Variants in IPP observed in about 807,000 individuals in gnomAD.
IPP encodes actin-binding protein IPP.
A neutral mutation model predicts 64.1 loss-of-function variants in IPP; 41 were observed. That is an observed-to-expected ratio of 0.64 (90% CI 0.50 to 0.83). The LOEUF (loss-of-function observed/expected upper bound fraction) is 0.83, where lower values mean the gene tolerates loss of function less well. IPP is among the 40% of genes least tolerant of loss of function. The pLI is 0.00. For synonymous variants in IPP, 214 were observed against 235.2 expected, an observed-to-expected ratio of 0.91 and a Z score of 0.83; for missense variants, 649 against 703.0, an observed-to-expected ratio of 0.92 and a Z score of 0.87.
intron 3 of IPP, among the ~76,000 whole-genome samples, chr1:45,736,609 C>A (rs1481239204): frequency 6.6e-6 from 1 of 152,064 alleles, no homozygotes. Flanking sequence ...CAATTTACTT[C>A]TCCCTTGATC....
intron 3 of IPP, among the ~76,000 whole-genome samples, chr1:45,737,407 C>A (rs902441233): frequency 6.6e-6 from 1 of 151,806 alleles, no homozygotes; most frequent in Non-Finnish European, 1.5e-5. Flanking sequence ...ATTTCAATTA[C>A]CCATTAATAT....
chr1:45,724,635 T>C (rs1200256182), intron 5 of IPP, among the ~76,000 whole-genome samples: 12 of 132,626 alleles, frequency 9.0e-5, no homozygotes, highest in East Asian at 4.8e-4. Context: ...CCCGCCGCCC[T>C]GTCTGGGATG....
intron 1 of IPP, among the ~76,000 whole-genome samples, chr1:45,749,520 T>TG (rs1646188973): frequency 1.5e-5 from 2 of 129,628 alleles, no homozygotes; most frequent in African/African-American, 2.9e-5. Flanking sequence ...TTGTTTTTGT[T>TG]TTTTGTTTTT....
At chr1:45,707,509 G>A (rs993066128) in intron 8 of IPP, among the ~76,000 whole-genome samples, 5 of 150,464 alleles carry the variant, frequency 3.3e-5, no homozygotes, top group African/African-American at 9.8e-5. Context: ...ACATGATGAG[G>A]AGAGAAACAG....
intron 1 of IPP, among the ~76,000 whole-genome samples, chr1:45,747,009 C>G (rs1242356094): frequency 6.6e-6 from 1 of 152,204 alleles, no homozygotes; most frequent in South Asian, 2.1e-4. Context: ...CCAAACTCAT[C>G]TGAGTTTGTT....
chr1:45,745,078 T>G (rs566406470), intron 2 of IPP, among the ~76,000 whole-genome samples: 3 of 152,112 alleles, frequency 2.0e-5, no homozygotes, highest in African/African-American at 7.2e-5. Flanking sequence ...ATTTTTTTTG[T>G]TTTAGAAATG....
Position 45,727,666 on chromosome 1 carries a change from A to G in IPP, c.1013T>C (p.Val338Ala). The G allele has an allele frequency of 6.3e-7, 1 of 1,588,592 alleles. No individual in the cohort carries two copies. Among genetic ancestry groups the G allele is most frequent in the Non-Finnish European group, 8.6e-7 (1 of 1,161,500 alleles). The change falls in exon 5 of 9, where the codon GTA (valine) becomes GCA (alanine). Residue 338 changes from valine to alanine, a missense_variant. By Grantham distance (64) the Val-to-Ala change is moderately conservative. Coordinates refer to ENST00000396478, the MANE Select transcript of IPP (RefSeq NM_005897.3). ...SLHQARSGLGVTVLGGMVYAI... is the reference protein window; with the variant it reads ...SLHQARSGLGATVLGGMVYAI... ...GTAGACCATCCCTCCCAGAACTGTTACTCCCAGCCCACTTCGAGCCTGATG... is the reference window on the plus strand; with the variant it reads ...GTAGACCATCCCTCCCAGAACTGTTGCTCCCAGCCCACTTCGAGCCTGATG...
At chr1:45,747,834 CAAA>C (rs60576414) in intron 1 of IPP, among the ~76,000 whole-genome samples, 25 of 39,278 alleles carry the variant, frequency 6.4e-4, no homozygotes, top group African/African-American at 1.9e-3. Context: ...GACTCTGTCT[CAAA>C]AAAAAAAAAA....
chr1:45,701,272 A>G (rs1006689462), intron 8 of IPP, among the ~76,000 whole-genome samples: 3 of 151,548 alleles, frequency 2.0e-5, no homozygotes, highest in African/African-American at 7.3e-5. Context: ...CAAAATGACT[A>G]GTAGTGTCTT....
chr1:45,733,436 A>C (rs1228236158), intron 3 of IPP, among the ~76,000 whole-genome samples: 3 of 149,350 alleles, frequency 2.0e-5, no homozygotes, highest in African/African-American at 7.4e-5. Flanking sequence ...AAAAAACATA[A>C]ATAAATAAAT....
intron 1 of IPP, among the ~76,000 whole-genome samples, 196 bp downstream of exon 1, chr1:45,750,401 C>G (rs894507049): frequency 6.6e-6 from 1 of 152,140 alleles, no homozygotes; most frequent in Non-Finnish European, 1.5e-5. Context: ...CAGGAGCGGT[C>G]CGGACGAGAA....
At chr1:45,703,997 C>G (rs888609894) in intron 8 of IPP, among the ~76,000 whole-genome samples, 4 of 152,102 alleles carry the variant, frequency 2.6e-5, no homozygotes, top group Non-Finnish European at 5.9e-5. Flanking sequence ...CATGACAGAA[C>G]AGTGACTCAG....
rs750178250 is a variant in IPP at position 45,719,251 on chromosome 1, G to A, written c.1138C>T (p.Arg380Cys). Residue 380 changes from arginine (R) to cysteine (C), a missense_variant, in exon 6 of 9, where the codon CGC (arginine) becomes TGC (cysteine). Transcript: ENST00000396478. The part of the protein sequence containing the change: ...WTTVASMNHP[R>C]CGLGVCVCYG... Reference sequence around the variant, plus strand: ...CACACACACACTCCTAAGCCGCAGCGGGGATGATTCATCGAAGCTACAGTT... The same window carrying A: ...CACACACACACTCCTAAGCCGCAGCAGGGATGATTCATCGAAGCTACAGTT... The A allele has an allele frequency of 5.6e-5, 90 of 1,613,864 alleles. No homozygotes were observed. The highest frequency in any genetic ancestry group is 7.1e-5 in the Non-Finnish European group (84 of 1,179,886).
At chr1:45,715,442 T>C (rs1557743726) in intron 7 of IPP, among the ~76,000 whole-genome samples, 3 of 151,896 alleles carry the variant, frequency 2.0e-5, no homozygotes, top group East Asian at 1.9e-4. Flanking sequence ...GAGATTGTGA[T>C]CATCCTGGCT....
At position 45,699,391 on chromosome 1, in the gene IPP, A is replaced by G; in HGVS notation, c.*575T>C. On this transcript the variant is annotated 3_prime_UTR_variant, in exon 9 of 9. Transcript: ENST00000396478. ...AATATAGAGGTCTTTAAACTGTGTCATTGACACTATTCCTATATCACATAA... is the reference window on the plus strand; with the variant it reads ...AATATAGAGGTCTTTAAACTGTGTCGTTGACACTATTCCTATATCACATAA... 2 of 985,358 alleles carry G rather than the reference A, an allele frequency of 2.0e-6. No homozygotes were observed. The highest frequency in any genetic ancestry group is 2.4e-6 in the Non-Finnish European group (2 of 829,792). The allele number at this position is 985,358 out of a possible 1,614,324, so 61.0% of individuals were successfully genotyped here.
At chr1:45,723,978 C>CCCTCCG (rs1645767111) in intron 5 of IPP, among the ~76,000 whole-genome samples, 1 of 150,476 alleles carries the variant, frequency 6.6e-6, no homozygotes, top group South Asian at 2.2e-4. Context: ...CTCCCCCTCC[C>CCCTCCG]CCTCCCTCTC....
intron 8 of IPP, among the ~76,000 whole-genome samples, chr1:45,713,439 A>G (rs907488815): frequency 1.3e-5 from 2 of 152,066 alleles, no homozygotes; most frequent in African/African-American, 4.8e-5. Context: ...GCATGCCTGA[A>G]ATCCCAGCTA....
At chr1:45,703,200 C>T (rs915858895) in intron 8 of IPP, among the ~76,000 whole-genome samples, 1 of 151,100 alleles carries the variant, frequency 6.6e-6, no homozygotes, top group African/African-American at 2.4e-5. Context: ...GTGATCCTCC[C>T]ACCTCAGCCT....
intron 5 of IPP, among the ~76,000 whole-genome samples, chr1:45,726,509 A>C (rs2148568312): frequency 6.6e-6 from 1 of 152,280 alleles, no homozygotes; most frequent in East Asian, 1.9e-4. Context: ...ATGGTGATGC[A>C]TGCCTATAGT....
Sources: allele counts gnomAD v4.1 joint callset (sites outside exome capture counted in the v4.1 genomes callset), GRCh38; gene constraint gnomAD v4.1.1; transcripts MANE v1.5; gene names NCBI Gene and HGNC (gene_info 2026-07-23, HGNC 2026-07-21).